Variants in SCN9A observed in about 807,000 individuals in gnomAD.
SCN9A encodes the protein sodium channel protein type 9 subunit alpha.
In SCN9A, 131 loss-of-function variants were observed where a neutral mutation model predicts 187.0. The observed-to-expected ratio is 0.70, with a 90% CI of 0.61 to 0.81. The LOEUF is 0.81. Ranked by LOEUF, SCN9A falls within the 30% of genes least tolerant of loss-of-function variation. The pLI is 0.00. For missense variants in SCN9A, 2,252 were observed against 2,396.6 expected, an observed-to-expected ratio of 0.94 and a Z score of 1.26; for synonymous variants, 809 against 808.6, an observed-to-expected ratio of 1.00 and a Z score of -0.01.
intron 1 of SCN9A, among the ~76,000 whole-genome samples, chr2:166,336,560 T>C (rs1035399669): frequency 6.6e-6 from 1 of 152,114 alleles, no homozygotes; most frequent in Non-Finnish European, 1.5e-5. Context: ...AACCTATGCT[T>C]AGACCACAAT....
At chr2:166,211,208 A>C (rs1450707440) in intron 24 of SCN9A, among the ~76,000 whole-genome samples, 1 of 152,232 alleles carries the variant, frequency 6.6e-6, no homozygotes, top group African/African-American at 2.4e-5. Flanking sequence ...TTCTCAGTGG[A>C]AACTTTAAAA....
At position 166,199,998 on chromosome 2, in the gene SCN9A, T is replaced by G. The variant is rs994694361; in HGVS notation, c.4775-134A>C. The G allele has an allele frequency of 2.6e-5, 14 of 535,696 alleles. 1 individual carries two copies. Among genetic ancestry groups the G allele is most frequent in the African/African-American group, 1.9e-4 (5 of 26,210 alleles). The allele number at this position is 535,696 out of a possible 1,614,324, so 33.2% of individuals were successfully genotyped here. The stretch of plus-strand genomic sequence containing the variant: ...CAGTTTTTTTTTTTTTTTTTTTTTT[T>G]TTTTTTTTTTTTTTTTTGAGACGGA... On this transcript the variant is annotated intron_variant, in intron 26 of 26. Transcript: ENST00000642356.
At chr2:166,318,155 C>T (rs1699152943) in intron 1 of SCN9A, among the ~76,000 whole-genome samples, 1 of 152,106 alleles carries the variant, frequency 6.6e-6, no homozygotes, top group African/African-American at 2.4e-5. Flanking sequence ...TAAGGTAGGA[C>T]TCCTAGGGTA....
At chr2:166,204,797 T>G (rs1014883120) in intron 24 of SCN9A, 2 of 158,174 alleles carry the variant, frequency 1.3e-5, no homozygotes, top group African/African-American at 4.8e-5. Context: ...CTTTTATTGC[T>G]AAGAAAATTT....
At chr2:166,226,761 T>C in intron 23 of SCN9A, 57 bp from the exon 24 acceptor site, 1 of 1,358,616 alleles carries the variant, frequency 7.4e-7, no homozygotes, top group East Asian at 2.6e-5. Context: ...TATTTTCTTT[T>C]TCACATGGTT....
chr2:166,268,547 G>C (rs760495879), intron 17 of SCN9A, among the ~76,000 whole-genome samples: 1 of 151,904 alleles, frequency 6.6e-6, no homozygotes, highest in Non-Finnish European at 1.5e-5. Context: ...GAGGATTAAA[G>C]ACATTTTAGA....
intron 12 of SCN9A, among the ~76,000 whole-genome samples, chr2:166,283,404 T>A (rs1697582241): frequency 6.6e-6 from 1 of 152,194 alleles, no homozygotes; most frequent in African/African-American, 2.4e-5. Context: ...TACTACATTG[T>A]CTGCAAATAT....
Position 166,231,033 on chromosome 2 carries a change from A to C in SCN9A, c.3925-2061T>G, listed in dbSNP as rs530593597. On this transcript the variant is annotated intron_variant, in intron 21 of 26. Transcript: ENST00000642356. The stretch of plus-strand genomic sequence containing the variant: ...AATGTCTCTTTTTGCATGGTTAACA[A>C]ATGTAACTAAATAGACATTTGCCTC... Among the ~76,000 whole-genome samples the C allele has an allele frequency of 1.1e-4, 16 of 152,226 alleles. No homozygotes were observed. In the South Asian group the frequency reaches 1.3e-3, roughly 12 times the overall value.
chr2:166,219,473 A>G (rs931609826), intron 24 of SCN9A, among the ~76,000 whole-genome samples: 10 of 152,192 alleles, frequency 6.6e-5, no homozygotes, highest in African/African-American at 1.9e-4. Context: ...GCAGGAACAG[A>G]AAACCAAATA....
intron 24 of SCN9A, among the ~76,000 whole-genome samples, chr2:166,220,284 G>T (rs1446269278): frequency 1.3e-5 from 2 of 152,146 alleles, no homozygotes; most frequent in Non-Finnish European, 2.9e-5. Context: ...TAACTTGAAG[G>T]TTTGTCCCCT....
intron 1 of SCN9A, among the ~76,000 whole-genome samples, chr2:166,357,829 T>C (rs1412542394): frequency 1.3e-5 from 2 of 152,122 alleles, no homozygotes; most frequent in African/African-American, 4.8e-5. Context: ...ATTTCTTGTA[T>C]TGGGTCTCCA....
intron 17 of SCN9A, among the ~76,000 whole-genome samples, chr2:166,267,335 T>C (rs1558994522): frequency 6.6e-6 from 1 of 152,102 alleles, no homozygotes; most frequent in Non-Finnish European, 1.5e-5. Flanking sequence ...TGTTTCATTC[T>C]GTTGATATAA....
chr2:166,210,352 C>G (rs893825958), intron 24 of SCN9A, among the ~76,000 whole-genome samples: 2 of 151,332 alleles, frequency 1.3e-5, no homozygotes, highest in African/African-American at 4.9e-5. Flanking sequence ...GGAGATATAC[C>G]TAATGTTAAA....
At position 166,231,322 on chromosome 2, in the gene SCN9A, C is replaced by G. The variant is rs75863591; in HGVS notation, c.3924+2018G>C. On this transcript the variant is annotated intron_variant, in intron 21 of 26. Coordinates refer to ENST00000642356, the MANE Select transcript of SCN9A (RefSeq NM_001365536.1). The stretch of plus-strand genomic sequence containing the variant: ...AATATTTTTGAATTGTGCTTATGAA[C>G]TTTTTTGTATAATCATGATCTTTCT... Among the ~76,000 whole-genome samples, 799 of 152,190 alleles carry G rather than the reference C, an allele frequency of 5.3e-3. 4 individuals carry two copies. The highest frequency in any genetic ancestry group is 9.7e-3 in the South Asian group (47 of 4,826).
intron 19 of SCN9A, among the ~76,000 whole-genome samples, chr2:166,239,312 A>T (rs900039770): frequency 6.6e-6 from 1 of 151,896 alleles, no homozygotes; most frequent in South Asian, 2.1e-4. Flanking sequence ...TCTCTTTCAG[A>T]TCGAAACACT....
Position 166,284,595 on chromosome 2 carries a change from A to G in SCN9A, c.1832T>C (p.Met611Thr). 6.2e-7 allele frequency: 1 copy of G among 1,614,010 alleles called. No homozygotes were observed. The highest frequency in any genetic ancestry group is 8.5e-7 in the Non-Finnish European group (1 of 1,179,914). Residue 611 changes from methionine (M) to threonine (T), a missense_variant, in exon 12 of 27, where the codon ATG becomes ACG. By Grantham distance (81) the Met-to-Thr change is moderately conservative. Transcript: ENST00000642356. ...NISQASRSPP[M>T]LPVNGKMHSA... ...GTGCATTTTCCCGTTCACCGGCAGC[A>G]TTGGTGGGGACCTACTGGCTTGGCT...
rs762895933 is a variant in SCN9A at position 166,242,584 on chromosome 2, C to T, written c.3545G>A (p.Arg1182Lys). Residue 1182 changes from arginine to lysine, a missense_variant, in exon 19 of 27, where the codon AGG becomes AAG. By Grantham distance (26) the Arg-to-Lys change is conservative. Around this residue, in one of 7 missense-constraint regions of SCN9A, gnomAD observed 313 missense variants for 295.3 expected, o/e 1.06. Coordinates refer to ENST00000642356, the MANE Select transcript of SCN9A (RefSeq NM_001365536.1). ...SGKGKIWWNI[R>K]KTCYKIVEHS... ...TTCAACAATCTTGTAGCAGGTTTTC[C>T]TGATGTTCCACCAGATTTTTCCTTT... The T allele has an allele frequency of 7.0e-6, 11 of 1,568,760 alleles. No individual in the cohort carries two copies. The highest frequency in any genetic ancestry group is 1.2e-5 in the South Asian group (1 of 85,020).
chr2:166,235,582 C>T (rs1463107386), intron 20 of SCN9A, among the ~76,000 whole-genome samples: 1 of 151,968 alleles, frequency 6.6e-6, no homozygotes, highest in Non-Finnish European at 1.5e-5. Context: ...GCAGAATTTG[C>T]ATCTCTTATG....
chr2:166,321,130 GAA>G (rs1699227105), intron 1 of SCN9A, among the ~76,000 whole-genome samples: 1 of 152,094 alleles, frequency 6.6e-6, no homozygotes, highest in Admixed American at 6.5e-5. Flanking sequence ...TCAAAAAGTA[GAA>G]AAGTTTTTGG....
Sources: allele counts gnomAD v4.1 joint callset (sites outside exome capture counted in the v4.1 genomes callset), GRCh38; gene constraint gnomAD v4.1.1; regional missense constraint gnomAD v4.1.1; transcripts MANE v1.5; gene names NCBI Gene and HGNC (gene_info 2026-07-23, HGNC 2026-07-21).